GLIS3: variants seen among roughly 807,000 people sequenced by gnomAD.
GLIS3 encodes GLIS family zinc finger 3.
In GLIS3, 53 loss-of-function variants were observed where a neutral mutation model predicts 78.6. The observed-to-expected ratio is 0.67, with a 90% CI of 0.54 to 0.85. GLIS3 has a LOEUF of 0.85. Ranked by LOEUF, GLIS3 falls within the 40% of genes least tolerant of loss-of-function variation. GLIS3 has a pLI of 0.00. For synonymous variants in GLIS3, 684 were observed against 509.9 expected (o/e 1.34, Z -4.60); for missense variants, 1,703 against 1,231.1 (o/e 1.38, Z -5.74).
chr9:3,981,417 T>C (rs990223394), intron 4 of GLIS3, among the ~76,000 whole-genome samples: 8 of 152,156 alleles, frequency 5.3e-5, no homozygotes, highest in African/African-American at 9.6e-5. Flanking sequence ...GAGAACTGTC[T>C]AATTCAAAAT....
the GLIS3 span, among the ~76,000 whole-genome samples, chr9:4,476,534 G>C: frequency 6.6e-6 from 1 of 151,844 alleles, no homozygotes; most frequent in Middle Eastern, 3.4e-3. Context: ...GGTAATTTTT[G>C]CATTTTTAGT....
At chr9:4,188,663 T>A (rs1196238703) in intron 2 of GLIS3, among the ~76,000 whole-genome samples, 3 of 152,212 alleles carry the variant, frequency 2.0e-5, no homozygotes, top group South Asian at 2.1e-4. Flanking sequence ...GATTATTGCC[T>A]CAATTTCAGA....
rs1362885346 is a variant in GLIS3 at position 4,118,889 on chromosome 9, A to C, written c.597-8T>G. The C allele has an allele frequency of 1.1e-5, 18 of 1,600,426 alleles. No individual in the cohort carries two copies. Among genetic ancestry groups the C allele is most frequent in the Non-Finnish European group, 1.5e-5 (18 of 1,179,818 alleles). On this transcript the variant is annotated splice_polypyrimidine_tract_variant and splice_region_variant and intron_variant, in intron 3 of 10. Transcript: ENST00000381971. This position sits in a 1 kb window ranked among gnomAD's most constrained non-coding sequence, Gnocchi z 4.7. ...TCACGCGAAATAAGGGACCTGGAACAGCAGCCAGAAAGGAAGAAAAAAAAA... is the reference window on the plus strand; with the variant it reads ...TCACGCGAAATAAGGGACCTGGAACCGCAGCCAGAAAGGAAGAAAAAAAAA...
At position 4,117,819 on chromosome 9, in the gene GLIS3, T is replaced by G; in HGVS notation, c.1659A>C (p.Lys553Asn). 6.2e-7 allele frequency: 1 copy of G among 1,614,084 alleles called. No individual in the cohort carries two copies. The highest frequency in any genetic ancestry group is 8.5e-7 in the Non-Finnish European group (1 of 1,180,012). ...RRYKPFNARY[K>N]LLIHMRVHSG... Reference sequence around the variant, plus strand: ...AGTGGACTCTCATGTGGATCAGCAGTTTATAGCGGGCGTTGAAGGGCTTGT... The same window carrying G: ...AGTGGACTCTCATGTGGATCAGCAGGTTATAGCGGGCGTTGAAGGGCTTGT... Residue 553 changes from lysine to asparagine, a missense_variant, in exon 4 of 11, where the codon AAA becomes AAC. Transcript: ENST00000381971.
chr9:4,489,227 C>A, the GLIS3 span, among the ~76,000 whole-genome samples: 1 of 152,196 alleles, frequency 6.6e-6, no homozygotes, highest in Non-Finnish European at 1.5e-5. Flanking sequence ...ATCCCTCTAA[C>A]CTTCTTTCTC....
the GLIS3 span, among the ~76,000 whole-genome samples, chr9:4,434,369 G>A: frequency 6.6e-6 from 1 of 152,084 alleles, no homozygotes; most frequent in African/African-American, 2.4e-5. Context: ...AGTATGTCCA[G>A]GTCAAAGTGG....
intron 4 of GLIS3, among the ~76,000 whole-genome samples, chr9:4,050,610 G>A (rs2380933): frequency 0.39 from 59,384 of 151,688 alleles, 12,557 homozygotes; most frequent in East Asian, 0.68. Flanking sequence ...AAAAATAAAA[G>A]TAATTTTAAA....
intron 1 of GLIS3, chr9:4,348,111 T>C (rs1168896956): frequency 6.6e-6 from 1 of 152,360 alleles, no homozygotes; most frequent in East Asian, 1.9e-4. Flanking sequence ...AATAAGTATG[T>C]TAATTACAGC....
chr9:4,359,555 A>T, the GLIS3 span, among the ~76,000 whole-genome samples: 3 of 152,192 alleles, frequency 2.0e-5, no homozygotes, highest in Non-Finnish European at 4.4e-5. Flanking sequence ...CTGACTGTTG[A>T]CAGGGGCAAC....
At chr9:4,175,914 G>C (rs879435479) in intron 2 of GLIS3, among the ~76,000 whole-genome samples, 2 of 152,192 alleles carry the variant, frequency 1.3e-5, no homozygotes, top group African/African-American at 4.8e-5. Context: ...TTTGGTCCAA[G>C]TCTCCCAGAT....
At chr9:4,217,166 A>C (rs1213150111) in intron 2 of GLIS3, among the ~76,000 whole-genome samples, 1 of 152,156 alleles carries the variant, frequency 6.6e-6, no homozygotes, top group Non-Finnish European at 1.5e-5. Context: ...CAGGCTCATC[A>C]ACATAGTCAT....
chr9:3,907,642 A>C (rs1345680681), intron 6 of GLIS3, among the ~76,000 whole-genome samples: 1 of 150,770 alleles, frequency 6.6e-6, no homozygotes, highest in Admixed American at 6.6e-5. Context: ...ACACACACAC[A>C]CACACACACA....
chr9:3,903,924 T>A (rs1823489621), intron 6 of GLIS3, among the ~76,000 whole-genome samples: 1 of 152,064 alleles, frequency 6.6e-6, no homozygotes, highest in South Asian at 2.1e-4. Flanking sequence ...GAGGTCAGCA[T>A]GGCTGGGGTG....
intron 2 of GLIS3, among the ~76,000 whole-genome samples, chr9:4,162,581 C>T (rs1032895906): frequency 5.9e-5 from 9 of 152,064 alleles, no homozygotes; most frequent in Non-Finnish European, 1.2e-4. Flanking sequence ...AATCACTGGC[C>T]GGGTGCGGTG....
At chr9:4,327,961 G>C (rs565984984) in intron 2 of GLIS3, among the ~76,000 whole-genome samples, 3 of 150,338 alleles carry the variant, frequency 2.0e-5, no homozygotes, top group Admixed American at 6.6e-5. Context: ...GAAGGCTCTC[G>C]GGAAAAAGGA....
At chr9:4,358,082 T>C in the GLIS3 span, among the ~76,000 whole-genome samples, 2 of 152,124 alleles carry the variant, frequency 1.3e-5, no homozygotes, top group African/African-American at 2.4e-5. Context: ...GGCAGAACAG[T>C]GTGTACAGTA....
chr9:4,458,880 G>C, the GLIS3 span, among the ~76,000 whole-genome samples: 1 of 152,212 alleles, frequency 6.6e-6, no homozygotes, highest in East Asian at 1.9e-4. Flanking sequence ...AAGTGGGAAA[G>C]TGACATGTTC....
chr9:4,023,948 C>G (rs563899131), intron 4 of GLIS3, among the ~76,000 whole-genome samples: 28 of 150,862 alleles, frequency 1.9e-4, no homozygotes, highest in African/African-American at 6.3e-4. Context: ...CCAGGGTTGT[C>G]AAACAAGGGT....
intron 2 of GLIS3, among the ~76,000 whole-genome samples, chr9:4,142,275 A>G (rs1362324020): frequency 6.6e-6 from 1 of 152,244 alleles, no homozygotes; most frequent in Non-Finnish European, 1.5e-5. Flanking sequence ...AAACATGAAG[A>G]AAAAGTTAAA....
Sources: gnomAD v4.1 joint callset for allele counts (sites outside exome capture counted in the v4.1 genomes callset) on GRCh38, gnomAD v4.1.1 for gene constraint, Gnocchi (gnomAD v3.1) non-coding constraint, MANE v1.5 for transcripts, NCBI Gene and HGNC (gene_info 2026-07-23, HGNC 2026-07-21) for gene names.